The following EARS2 variants were observed in gnomAD, a reference collection of about 807,000 sequenced individuals.
EARS2 encodes the protein glutamyl-tRNA synthetase 2, mitochondrial.
A neutral mutation model predicts 54.1 loss-of-function variants in EARS2; 50 were observed. That is an observed-to-expected ratio of 0.92 (90% confidence interval 0.74 to 1.17). EARS2 has a LOEUF of 1.17. EARS2 is among the 50% of genes most tolerant of loss of function. The pLI, the probability that EARS2 is intolerant of heterozygous loss-of-function variation, is 0.00. For missense variants in EARS2, 673 were observed against 675.0 expected, an observed-to-expected ratio of 1.00 and a Z score of 0.03; for synonymous variants, 298 against 281.0, an observed-to-expected ratio of 1.06 and a Z score of -0.61.
intron 7 of EARS2, among the ~76,000 whole-genome samples, chr16:23,527,681 G>A (rs1965253609): frequency 1.3e-5 from 2 of 151,298 alleles, no homozygotes; most frequent in Admixed American, 1.3e-4. Context: ...AGCCTTCCGA[G>A]TAGCTGGGAC....
At chr16:23,547,377 A>C (rs1965621011) in intron 2 of EARS2, among the ~76,000 whole-genome samples, 1 of 152,214 alleles carries the variant, frequency 6.6e-6, no homozygotes, top group Admixed American at 6.5e-5. Context: ...CTAATAAGGA[A>C]GAGTTTCTTT....
intron 1 of EARS2, among the ~76,000 whole-genome samples, chr16:23,552,607 A>G (rs572384357): frequency 3.9e-5 from 6 of 152,338 alleles, no homozygotes; most frequent in Admixed American, 2.0e-4. Context: ...TCTCATGCCC[A>G]GCCTCCCGAG....
At chr16:23,554,426 C>A (rs1965743862) in intron 1 of EARS2, among the ~76,000 whole-genome samples, 1 of 152,154 alleles carries the variant, frequency 6.6e-6, no homozygotes, top group South Asian at 2.1e-4. Flanking sequence ...CCTTTTTCAT[C>A]ATTCCTGTCT....
At chr16:23,527,894 G>C (rs1965257752) in intron 7 of EARS2, among the ~76,000 whole-genome samples, 1 of 152,206 alleles carries the variant, frequency 6.6e-6, no homozygotes, top group Non-Finnish European at 1.5e-5. Context: ...TGTTCGGAAT[G>C]TTTGTGTTCC....
chr16:23,552,717 C>T (rs2142196391), intron 1 of EARS2, among the ~76,000 whole-genome samples: 1 of 152,274 alleles, frequency 6.6e-6, no homozygotes. Context: ...TCTTGAACTC[C>T]TGGCCTCAAG....
At chr16:23,530,277 C>A (rs1332621638) in intron 5 of EARS2, among the ~76,000 whole-genome samples, 1 of 152,158 alleles carries the variant, frequency 6.6e-6, no homozygotes, top group African/African-American at 2.4e-5. Flanking sequence ...AGACACACAT[C>A]ACCATGCCCA....
intron 7 of EARS2, among the ~76,000 whole-genome samples, chr16:23,526,306 T>C (rs2142160910): frequency 6.6e-6 from 1 of 151,982 alleles, no homozygotes; most frequent in East Asian, 2.0e-4. Flanking sequence ...GAGACAGGGT[T>C]TTACCATGTT....
At chr16:23,537,245 C>T (rs188470574) in intron 3 of EARS2, 1 of 157,300 alleles carries the variant, frequency 6.4e-6, no homozygotes, top group African/African-American at 2.4e-5. Flanking sequence ...AACATAATAA[C>T]ATGTTTATTT....
At chr16:23,542,246 C>T (rs112717512) in intron 3 of EARS2, among the ~76,000 whole-genome samples, 2,224 of 151,826 alleles carry the variant, frequency 0.015, 23 homozygotes, top group South Asian at 0.02. Flanking sequence ...TGCCCACCTC[C>T]GCCCTCCCAA....
chr16:23,546,619 G>A (rs181053810), intron 2 of EARS2, among the ~76,000 whole-genome samples: 3 of 152,236 alleles, frequency 2.0e-5, no homozygotes, highest in African/African-American at 4.8e-5. Flanking sequence ...GCAGTGGCAC[G>A]TTCTCGGCTA....
chr16:23,546,458 T>A (rs1333186997), intron 2 of EARS2: 1 of 456,052 alleles, frequency 2.2e-6, no homozygotes. Context: ...AAACAAGTAG[T>A]AACTTTCTCA....
rs1463047159 is a variant in EARS2 at position 23,534,878 on chromosome 16, G to A, written c.958+10C>T. On this transcript the variant is annotated intron_variant, in intron 4 of 8. Transcript: ENST00000449606. ...TCTCTGCTGCCAGGACTATTCAGGT[G>A]GGCACGTACCTGCAAAACCTGAGCC... The A allele has an allele frequency of 3.9e-6, 6 of 1,558,040 alleles. No individual in the cohort carries two copies. Among genetic ancestry groups the A allele is most frequent in the Non-Finnish European group, 8.7e-7 (1 of 1,148,078 alleles).
chr16:23,547,438 G>A (rs1344242391), intron 2 of EARS2, among the ~76,000 whole-genome samples: 1 of 152,176 alleles, frequency 6.6e-6, no homozygotes, highest in Non-Finnish European at 1.5e-5. Flanking sequence ...GCGCAACACA[G>A]TAAATATATT....
intron 8 of EARS2, 146 bp downstream of exon 8, chr16:23,525,098 T>C: frequency 9.7e-7 from 1 of 1,032,728 alleles, no homozygotes; most frequent in South Asian, 1.4e-5. Context: ...CTCAATAGTG[T>C]CTGTTGATTG....
At chr16:23,550,529 C>T (rs541229001) in intron 2 of EARS2, among the ~76,000 whole-genome samples, 139 of 140,792 alleles carry the variant, frequency 9.9e-4, no homozygotes, top group Admixed American at 1.7e-3. Context: ...GCTCCGCCTT[C>T]CGGGTTCACG....
chr16:23,547,669 T>C (rs2142189269), intron 2 of EARS2, among the ~76,000 whole-genome samples: 1 of 152,146 alleles, frequency 6.6e-6, no homozygotes. Context: ...CACGCCCAAC[T>C]AATTTTTGTA....
chr16:23,541,445 T>A (rs939730720), intron 3 of EARS2, among the ~76,000 whole-genome samples: 1 of 152,240 alleles, frequency 6.6e-6, no homozygotes, highest in Non-Finnish European at 1.5e-5. Flanking sequence ...TGCATTATTA[T>A]GGACTGATAT....
Position 23,557,232 on chromosome 16 carries a change from G to C in EARS2, c.112C>G (p.Arg38Gly). ...NLGTDAGVAV[R>G]VRFAPSPTGF... Reference sequence around the variant, plus strand: ...GTGGGGCTGGGAGCGAACCGCACTCGCACCGCAACCCCGGCATCAGTGCCC... The same window carrying C: ...GTGGGGCTGGGAGCGAACCGCACTCCCACCGCAACCCCGGCATCAGTGCCC... Residue 38 changes from arginine to glycine, a missense_variant, in exon 1 of 9, where the codon CGA (arginine) becomes GGA (glycine). By Grantham distance (125) the Arg-to-Gly change is moderately radical (BLOSUM62 -2). Coordinates refer to ENST00000449606, the MANE Select transcript of EARS2 (RefSeq NM_001083614.2). The C allele has an allele frequency of 6.6e-7, 1 of 1,518,170 alleles. No homozygotes were observed. Among genetic ancestry groups the C allele is most frequent in the East Asian group, 2.3e-5 (1 of 43,896 alleles). 94.0% of individuals were successfully genotyped at this position (1,518,170 alleles called of 1,614,324 possible).
intron 6 of EARS2, 54 bp downstream of exon 6, chr16:23,529,690 A>G: frequency 6.2e-7 from 1 of 1,612,762 alleles, no homozygotes; most frequent in Non-Finnish European, 8.5e-7. Flanking sequence ...AGGCAGGAGG[A>G]ATTGAGGCAC....
Sources: allele counts gnomAD v4.1 joint callset (sites outside exome capture counted in the v4.1 genomes callset), GRCh38; gene constraint gnomAD v4.1.1; transcripts MANE v1.5; gene names NCBI Gene and HGNC (gene_info 2026-07-23, HGNC 2026-07-21).